Variants in LAMA1 observed in about 807,000 individuals in gnomAD.
LAMA1 encodes the protein laminin subunit alpha 1, also known as laminin subunit alpha-1.
A neutral mutation model predicts 348.7 loss-of-function variants in LAMA1; 219 were observed. The observed-to-expected ratio is 0.63, with a 90% CI of 0.56 to 0.70. The LOEUF (loss-of-function observed/expected upper bound fraction) is 0.70, where lower values mean the gene tolerates loss of function less well. LAMA1 is among the 30% of genes least tolerant of loss of function. LAMA1 has a pLI of 0.00. For missense variants in LAMA1, 3,744 were observed against 3,888.0 expected, an observed-to-expected ratio of 0.96 and a Z score of 0.99; for synonymous variants, 1,487 against 1,491.0, an observed-to-expected ratio of 1.00 and a Z score of 0.06.
chr18:6,957,183 C>A (rs574641522), intron 55 of LAMA1: 1 of 300,676 alleles, frequency 3.3e-6, no homozygotes, highest in Non-Finnish European at 6.5e-6. Context: ...TTGTGGGCTA[C>A]GCTTGTCACA....
intron 1 of LAMA1, among the ~76,000 whole-genome samples, chr18:7,084,074 GAAAAAAAAAA>G (rs35419107): frequency 1.0e-4 from 5 of 49,728 alleles, no homozygotes; most frequent in Middle Eastern, 0.02. Flanking sequence ...TTCTGTCTCA[GAAAAAAAAAA>G]AAAAAAAAAA....
At chr18:7,037,501 G>T in intron 12 of LAMA1, 77 bp downstream of exon 12, 1 of 1,535,850 alleles carries the variant, frequency 6.5e-7, no homozygotes, top group African/African-American at 1.4e-5. Context: ...TACCTAAAAT[G>T]CAGGCAGCGC....
At chr18:6,981,393 T>C (rs1259284355) in intron 41 of LAMA1, among the ~76,000 whole-genome samples, 2 of 152,190 alleles carry the variant, frequency 1.3e-5, no homozygotes, top group African/African-American at 4.8e-5. Flanking sequence ...TGGCCAATCC[T>C]CCATCCCCTA....
chr18:7,020,444 T>C (rs1449892106), intron 19 of LAMA1, among the ~76,000 whole-genome samples: 2 of 152,134 alleles, frequency 1.3e-5, no homozygotes, highest in Non-Finnish European at 2.9e-5. Flanking sequence ...CAGACTATAG[T>C]ATTATATAAG....
In LAMA1 at chr18:7,021,373, T is replaced by C. The variant is rs544077546; in HGVS notation, c.2701+1791A>G. 5.9e-5 allele frequency among the ~76,000 whole-genome samples: 9 copies of C among 152,304 alleles called. 1 individual carries two copies. The South Asian group carries it at 1.9e-3, about 32-fold the overall frequency. ...AGAACCAAATCTCTGAGTTTAAATT[T>C]AAATACTGAAGCGGTTTTGTCAATG... On this transcript the variant is annotated intron_variant, in intron 19 of 62. Coordinates refer to ENST00000389658, the MANE Select transcript of LAMA1 (RefSeq NM_005559.4).
At chr18:6,964,018 T>C (rs2057621158) in intron 51 of LAMA1, 1 of 153,774 alleles carries the variant, frequency 6.5e-6, no homozygotes, top group Non-Finnish European at 1.4e-5. Context: ...TGATTTCTTT[T>C]TTTTTTTTTC....
chr18:6,942,445 G>A (rs1414787757), intron 62 of LAMA1, among the ~76,000 whole-genome samples: 1 of 151,190 alleles, frequency 6.6e-6, no homozygotes, highest in East Asian at 1.9e-4. Flanking sequence ...ATGGAGTCTC[G>A]CTCTGCCACC....
chr18:7,018,746 A>G (rs61614794), intron 19 of LAMA1, among the ~76,000 whole-genome samples: 14,391 of 152,174 alleles, frequency 0.095, 1,173 homozygotes, highest in African/African-American at 0.23. Flanking sequence ...AGTGTGTGTC[A>G]TGACATAACA....
chr18:6,960,620 T>C (rs543594491), intron 53 of LAMA1: 6 of 150,358 alleles, frequency 4.0e-5, no homozygotes, highest in Admixed American at 1.3e-4. Flanking sequence ...TAAACGCTGC[T>C]GAATTGTTCA....
Position 7,084,074 on chromosome 18 carries a change from G to GAA in LAMA1, c.62-3619_62-3618dup, listed in dbSNP as rs35419107. Among the ~76,000 whole-genome samples the GAA allele has an allele frequency of 7.7e-3, 379 of 49,508 alleles. 8 individuals carry two copies. The highest frequency in any genetic ancestry group is 0.022 in the East Asian group (28 of 1,294). 32.5% of individuals were successfully genotyped at this position (49,508 alleles called of 152,430 possible). On this transcript the variant is annotated intron_variant, in intron 1 of 62. Transcript: ENST00000389658. ...GGCAACAGAGTGAGATTCTGTCTCA[G>GAA]AAAAAAAAAAAAAAAAAAAAAAAAA...
At chr18:7,010,466 G>A (rs1197725423) in intron 25 of LAMA1, 81 bp from the exon 26 acceptor site, 14 of 1,308,192 alleles carry the variant, frequency 1.1e-5, no homozygotes, top group Non-Finnish European at 1.5e-5. Flanking sequence ...GCCACCATAA[G>A]AGAGAAATCT....
At chr18:6,985,749 AT>A in intron 37 of LAMA1, 106 bp from the exon 38 acceptor site, 1 of 738,278 alleles carries the variant, frequency 1.4e-6, no homozygotes, top group Non-Finnish European at 2.4e-6. Flanking sequence ...ACTCACTTTT[AT>A]TTTATTTTAA....
chr18:6,976,588 A>T (rs542968532), intron 44 of LAMA1, among the ~76,000 whole-genome samples: 5 of 148,202 alleles, frequency 3.4e-5, no homozygotes, highest in Admixed American at 6.8e-5. Flanking sequence ...CCTTGGGCTT[A>T]TATTTATTTA....
At chr18:6,947,372 G>T in intron 60 of LAMA1, 76 bp from the exon 61 acceptor site, 3 of 1,585,182 alleles carry the variant, frequency 1.9e-6, no homozygotes, top group Non-Finnish European at 2.6e-6. Flanking sequence ...TCCTGGCTAG[G>T]GGTTGGGGGA....
intron 1 of LAMA1, among the ~76,000 whole-genome samples, chr18:7,106,988 C>T (rs1416076671): frequency 6.6e-6 from 1 of 152,100 alleles, no homozygotes; most frequent in Non-Finnish European, 1.5e-5. Flanking sequence ...CCCCCGCTTT[C>T]CTCGACCCAT....
chr18:7,001,322 CT>C (rs34381029), intron 30 of LAMA1, among the ~76,000 whole-genome samples: 62,632 of 151,932 alleles, frequency 0.41, 13,533 homozygotes, highest in African/African-American at 0.55. Context: ...CGTTTTCCCC[CT>C]ATTCCTCATG....
At chr18:7,039,399 G>C (rs1022477651) in intron 10 of LAMA1, among the ~76,000 whole-genome samples, 2 of 152,102 alleles carry the variant, frequency 1.3e-5, no homozygotes, top group African/African-American at 4.8e-5. Flanking sequence ...TATTAATATT[G>C]TAAGGCCAAA....
intron 14 of LAMA1, among the ~76,000 whole-genome samples, chr18:7,033,480 C>T (rs1178709227): frequency 3.4e-5 from 5 of 145,942 alleles, no homozygotes; most frequent in African/African-American, 1.3e-4. Flanking sequence ...AGACTTAAAT[C>T]CAATAAAAGG....
chr18:6,947,343 CCAG>C, intron 60 of LAMA1, 47 bp from the exon 61 acceptor site: 1 of 1,611,906 alleles, frequency 6.2e-7, no homozygotes, highest in Non-Finnish European at 8.5e-7. Flanking sequence ...GCTGCCAGGC[CCAG>C]GTTGAGCATT....
Sources: allele counts gnomAD v4.1 joint callset (sites outside exome capture counted in the v4.1 genomes callset), GRCh38; gene constraint gnomAD v4.1.1; transcripts MANE v1.5; gene names NCBI Gene and HGNC (gene_info 2026-07-23, HGNC 2026-07-21).